The following SNX29 variants were observed in gnomAD, a reference collection of about 807,000 sequenced individuals.
The protein encoded by SNX29 is sorting nexin-29.
A neutral mutation model predicts 102.1 loss-of-function variants in SNX29; 78 were observed. The observed-to-expected ratio is 0.76, with a 90% CI of 0.64 to 0.92. The LOEUF is 0.92. SNX29 is among the 40% of genes least tolerant of loss of function. The pLI, the probability that SNX29 is intolerant of heterozygous loss-of-function variation, is 0.00. For missense variants in SNX29, 1,280 were observed against 1,061.7 expected, an observed-to-expected ratio of 1.21 and a Z score of -2.86; for synonymous variants, 580 against 414.5, an observed-to-expected ratio of 1.40 and a Z score of -4.85.
chr16:12,056,732 A>G (rs753020351), intron 8 of SNX29, among the ~76,000 whole-genome samples: 1 of 152,168 alleles, frequency 6.6e-6, no homozygotes, highest in Non-Finnish European at 1.5e-5. Context: ...TATCATAAGT[A>G]TTAGCTTTGC....
intron 20 of SNX29, among the ~76,000 whole-genome samples, chr16:12,565,734 A>ACCC (rs943736598): frequency 6.6e-6 from 1 of 151,558 alleles, no homozygotes; most frequent in Non-Finnish European, 1.5e-5. Context: ...CTACAAGTCC[A>ACCC]CCCCCTCCCC....
intron 13 of SNX29, among the ~76,000 whole-genome samples, chr16:12,190,850 C>T (rs2076624148): frequency 6.6e-6 from 1 of 152,134 alleles, no homozygotes; most frequent in African/African-American, 2.4e-5. Context: ...GGAGCCTTTC[C>T]AAGATGACGC....
intron 20 of SNX29, among the ~76,000 whole-genome samples, chr16:12,562,638 C>A (rs758551372): frequency 6.6e-6 from 1 of 152,150 alleles, no homozygotes; most frequent in Admixed American, 6.6e-5. Flanking sequence ...CAGGGTCTTC[C>A]CTGAGGGGCT....
At chr16:12,425,185 G>C (rs1326392269) in intron 18 of SNX29, among the ~76,000 whole-genome samples, 2 of 152,238 alleles carry the variant, frequency 1.3e-5, no homozygotes, top group African/African-American at 4.8e-5. Context: ...GTATGGTGCA[G>C]CTCGGCTGAT....
At chr16:12,458,293 C>G (rs2086624065) in intron 18 of SNX29, among the ~76,000 whole-genome samples, 1 of 152,082 alleles carries the variant, frequency 6.6e-6, no homozygotes, top group Non-Finnish European at 1.5e-5. Flanking sequence ...TTTAAAACCT[C>G]TTAAATGCAT....
At chr16:12,513,095 AC>A (rs2089705257) in intron 19 of SNX29, among the ~76,000 whole-genome samples, 1 of 148,406 alleles carries the variant, frequency 6.7e-6, no homozygotes, top group Admixed American at 6.7e-5. Context: ...TGCCCTGCGT[AC>A]CCCTTCCTCA....
At chr16:12,018,953 G>T (rs1338595997) in intron 3 of SNX29, among the ~76,000 whole-genome samples, 1 of 151,390 alleles carries the variant, frequency 6.6e-6, no homozygotes, top group Non-Finnish European at 1.5e-5. Flanking sequence ...AAATCTTTTT[G>T]TAGATCTGTT....
At chr16:12,335,064 C>G (rs939384435) in intron 15 of SNX29, among the ~76,000 whole-genome samples, 38 of 152,016 alleles carry the variant, frequency 2.5e-4, no homozygotes, top group Admixed American at 2.5e-3. Flanking sequence ...GCTTCACTAC[C>G]GTTCCTGTGG....
At chr16:12,293,796 G>A (rs1008291326) in intron 15 of SNX29, among the ~76,000 whole-genome samples, 3 of 152,190 alleles carry the variant, frequency 2.0e-5, no homozygotes. Flanking sequence ...TTGGAAAGCT[G>A]CAGATATCTT....
intron 13 of SNX29, among the ~76,000 whole-genome samples, chr16:12,187,591 T>A (rs2076542335): frequency 6.6e-6 from 1 of 151,920 alleles, no homozygotes; most frequent in Admixed American, 6.6e-5. Context: ...TTGTGTTCTC[T>A]CCATCTGCTG....
intron 11 of SNX29, among the ~76,000 whole-genome samples, chr16:12,079,512 T>A (rs957064445): frequency 7.1e-6 from 1 of 141,658 alleles, no homozygotes; most frequent in Admixed American, 6.9e-5. Flanking sequence ...TTGTTCCCAA[T>A]TAAAAAAAAA....
At chr16:12,250,105 C>T in intron 14 of SNX29, among the ~76,000 whole-genome samples, 1 of 152,148 alleles carries the variant, frequency 6.6e-6, no homozygotes, top group Middle Eastern at 3.2e-3. Context: ...GGAGAGCTTC[C>T]TGCAGGAACC....
At chr16:12,069,688 T>C (rs2051200120) in intron 10 of SNX29, among the ~76,000 whole-genome samples, 1 of 152,092 alleles carries the variant, frequency 6.6e-6, no homozygotes, top group African/African-American at 2.4e-5. Flanking sequence ...CCTCCTCTAT[T>C]GTTATTTTCT....
intron 3 of SNX29, among the ~76,000 whole-genome samples, chr16:12,022,841 A>G (rs2057069928): frequency 6.7e-6 from 1 of 150,262 alleles, no homozygotes; most frequent in South Asian, 2.1e-4. Context: ...TCCTTCCTCT[A>G]GCATAGTATT....
chr16:12,280,570 G>A (rs1390512044), intron 15 of SNX29, among the ~76,000 whole-genome samples: 1 of 152,116 alleles, frequency 6.6e-6, no homozygotes, highest in Non-Finnish European at 1.5e-5. Context: ...GCTGGCTGTG[G>A]TCAACGAGCT....
chr16:12,348,416 C>G (rs1360157720), intron 15 of SNX29, among the ~76,000 whole-genome samples: 1 of 152,248 alleles, frequency 6.6e-6, no homozygotes, highest in Non-Finnish European at 1.5e-5. Flanking sequence ...GGTGCCCCTT[C>G]CCTTACTGCT....
intron 19 of SNX29, among the ~76,000 whole-genome samples, chr16:12,480,046 C>T (rs1044635630): frequency 3.9e-5 from 6 of 152,274 alleles, no homozygotes; most frequent in Middle Eastern, 3.4e-3. Context: ...TGGATACAAA[C>T]AAGAGTTCAG....
At chr16:12,564,005 T>G (rs1264323780) in intron 20 of SNX29, among the ~76,000 whole-genome samples, 1 of 152,112 alleles carries the variant, frequency 6.6e-6, no homozygotes, top group East Asian at 1.9e-4. Flanking sequence ...AGCACCCTCT[T>G]CCCCCAGGGT....
At chr16:12,251,344 C>T (rs1242264813) in intron 14 of SNX29, among the ~76,000 whole-genome samples, 1 of 152,192 alleles carries the variant, frequency 6.6e-6, no homozygotes, top group East Asian at 1.9e-4. Context: ...ATATTATTGA[C>T]CCTCAGTGGA....
Sources: gnomAD v4.1 joint callset for allele counts (sites outside exome capture counted in the v4.1 genomes callset) on GRCh38, gnomAD v4.1.1 for gene constraint, MANE v1.5 for transcripts, NCBI Gene and HGNC (gene_info 2026-07-23, HGNC 2026-07-21) for gene names.